The following ARHGAP26 variants were observed in gnomAD, a reference collection of about 807,000 sequenced individuals.
ARHGAP26 encodes the protein Rho GTPase activating protein 26.
Under a neutral mutation model 104.8 loss-of-function variants are expected in ARHGAP26, and 38 were observed. The ratio of observed to expected loss-of-function variants is 0.36; its 90% CI spans 0.28 to 0.48. The LOEUF (loss-of-function observed/expected upper bound fraction) is 0.48. ARHGAP26 is among the 20% of genes least tolerant of loss of function. ARHGAP26 has a pLI of 0.99. For missense variants in ARHGAP26, 704 were observed against 947.9 expected (o/e 0.74, Z 3.38); for synonymous variants, 341 against 340.0 (o/e 1.00, Z -0.03).
At chr5:142,823,612 G>GA (rs200161295) in intron 1 of ARHGAP26, among the ~76,000 whole-genome samples, 2,313 of 149,962 alleles carry the variant, frequency 0.015, 29 homozygotes, top group Middle Eastern at 0.044. Context: ...AGTACTATAA[G>GA]AAAAAAAAAA....
chr5:142,880,874 T>TC (rs1247958120), intron 4 of ARHGAP26, among the ~76,000 whole-genome samples: 1 of 152,078 alleles, frequency 6.6e-6, no homozygotes, highest in Non-Finnish European at 1.5e-5. Flanking sequence ...GGATGGTTGA[T>TC]TACAGTTTGA....
intron 17 of ARHGAP26, among the ~76,000 whole-genome samples, chr5:143,086,957 T>C (rs1428796572): frequency 6.6e-6 from 1 of 152,198 alleles, no homozygotes; most frequent in Non-Finnish European, 1.5e-5. Flanking sequence ...ATATCGCCCA[T>C]TTGGTGCAGC....
At chr5:142,901,793 A>G (rs888592426) in intron 6 of ARHGAP26, 142 bp from the exon 7 acceptor site, 1 of 656,050 alleles carries the variant, frequency 1.5e-6, no homozygotes, top group African/African-American at 1.8e-5. Flanking sequence ...AGTGCCTGGC[A>G]CACAATTGGT....
intron 1 of ARHGAP26, among the ~76,000 whole-genome samples, chr5:142,781,668 T>A (rs1188467370): frequency 1.3e-5 from 2 of 152,150 alleles, no homozygotes; most frequent in Non-Finnish European, 2.9e-5. Flanking sequence ...GATCACAATT[T>A]GAATATTCAA....
At position 143,050,769 on chromosome 5, in the gene ARHGAP26, C is replaced by T. The variant is rs944292200; in HGVS notation, c.1286-3670C>T. Among the ~76,000 whole-genome samples the T allele has an allele frequency of 7.9e-5, 12 of 152,094 alleles. 1 individual carries two copies. The highest frequency in any genetic ancestry group is 1.2e-4 in the African/African-American group (5 of 41,406). On this transcript the variant is annotated intron_variant, in intron 14 of 22. Transcript: ENST00000645722. ...GGGTAGCAGACAAAAGATGACAGGA[C>T]CAGAAGATGATAGACTACTTGGATA... is the stretch of plus-strand genomic sequence containing the variant.
chr5:142,992,052 T>G (rs985708523), intron 11 of ARHGAP26, among the ~76,000 whole-genome samples: 2 of 11,550 alleles, frequency 1.7e-4, no homozygotes, highest in Non-Finnish European at 3.5e-4. Flanking sequence ...ATTGTTATAA[T>G]TAGGACTTTT....
chr5:142,875,189 A>G lies in ARHGAP26; in HGVS notation c.312+18A>G. 2 of 1,613,146 alleles carry G rather than the reference A, an allele frequency of 1.2e-6. No individual in the cohort carries two copies. The stretch of plus-strand genomic sequence containing the variant: ...TACGGATGGTGAGTAGGGCTGGGCT[A>G]CTCTTGGTCCCAGATAGTATATTCG... On this transcript the variant is annotated intron_variant, in intron 3 of 22. Transcript: ENST00000645722.
intron 12 of ARHGAP26, among the ~76,000 whole-genome samples, chr5:143,033,913 G>A (rs1355339418): frequency 3.3e-5 from 5 of 152,134 alleles, no homozygotes; most frequent in East Asian, 1.9e-4. Context: ...AGCACAAAAC[G>A]TAATTCCCCG....
At chr5:143,035,500 G>C (rs900419913) in intron 12 of ARHGAP26, among the ~76,000 whole-genome samples, 2 of 152,112 alleles carry the variant, frequency 1.3e-5, no homozygotes, top group Admixed American at 6.6e-5. Context: ...AGGATGCGAA[G>C]GCACAAGAAT....
intron 1 of ARHGAP26, among the ~76,000 whole-genome samples, chr5:142,804,042 T>C (rs555746153): frequency 4.6e-5 from 7 of 152,308 alleles, no homozygotes; most frequent in African/African-American, 7.2e-5. Context: ...ATTTTCCACA[T>C]GAGGAGACTG....
At chr5:143,179,753 C>T (rs1804030100) in intron 20 of ARHGAP26, among the ~76,000 whole-genome samples, 1 of 152,198 alleles carries the variant, frequency 6.6e-6, no homozygotes, top group African/African-American at 2.4e-5. Context: ...TTCCACACTT[C>T]ATTTGTTATT....
At chr5:142,796,099 C>T (rs1165606552) in intron 1 of ARHGAP26, among the ~76,000 whole-genome samples, 1 of 150,122 alleles carries the variant, frequency 6.7e-6, no homozygotes, top group Admixed American at 6.6e-5. Flanking sequence ...TGTTACGTCT[C>T]TCCTACTAGA....
chr5:143,187,740 GC>G (rs1206308716), intron 20 of ARHGAP26, among the ~76,000 whole-genome samples: 1 of 152,250 alleles, frequency 6.6e-6, no homozygotes, highest in Admixed American at 6.5e-5. Context: ...AATCAGGGCT[GC>G]CCTTGCAGGA....
At chr5:142,813,853 A>G (rs555332036) in intron 1 of ARHGAP26, among the ~76,000 whole-genome samples, 2 of 152,210 alleles carry the variant, frequency 1.3e-5, no homozygotes, top group Non-Finnish European at 2.9e-5. Flanking sequence ...TCAGCCCTTG[A>G]CAGTGTGGTT....
chr5:143,053,733 A>G (rs1785366839), intron 14 of ARHGAP26, among the ~76,000 whole-genome samples: 1 of 152,252 alleles, frequency 6.6e-6, no homozygotes. Flanking sequence ...TTTTAAAAAT[A>G]CAAAAGTAAT....
intron 3 of ARHGAP26, among the ~76,000 whole-genome samples, chr5:142,875,460 T>C (rs2152368607): frequency 6.6e-6 from 1 of 152,238 alleles, no homozygotes; most frequent in East Asian, 1.9e-4. Context: ...ATTATTTCAC[T>C]TTTTTGGGCG....
chr5:142,771,948 T>G (rs1375144837), intron 1 of ARHGAP26, among the ~76,000 whole-genome samples: 3 of 152,152 alleles, frequency 2.0e-5, no homozygotes, highest in Non-Finnish European at 2.9e-5. Context: ...AATAGCTCAG[T>G]CCATCTTTTA....
chr5:142,831,726 C>T (rs1768478091), intron 1 of ARHGAP26, among the ~76,000 whole-genome samples: 2 of 152,084 alleles, frequency 1.3e-5, no homozygotes, highest in African/African-American at 4.8e-5. Flanking sequence ...ATGGTGAAGC[C>T]CTTCTCTTAC....
intron 17 of ARHGAP26, among the ~76,000 whole-genome samples, chr5:143,082,940 T>G (rs963344045): frequency 2.6e-5 from 4 of 152,240 alleles, no homozygotes; most frequent in Admixed American, 1.3e-4. Flanking sequence ...CTCATTTTTA[T>G]TTTGGTATTC....
Sources: gnomAD v4.1 joint callset for allele counts (sites outside exome capture counted in the v4.1 genomes callset) on GRCh38, gnomAD v4.1.1 for gene constraint, MANE v1.5 for transcripts, NCBI Gene and HGNC (gene_info 2026-07-23, HGNC 2026-07-21) for gene names.